Variants in DTNB observed in about 807,000 individuals in gnomAD.
The protein encoded by DTNB is DTN-B.
A neutral mutation model predicts 90.7 loss-of-function variants in DTNB; 63 were observed. That is an observed-to-expected ratio of 0.69 (90% CI 0.57 to 0.86). The LOEUF (loss-of-function observed/expected upper bound fraction) is 0.86. DTNB is among the 40% of genes least tolerant of loss of function. DTNB has a pLI of 0.00. For synonymous variants in DTNB, 277 were observed against 286.7 expected, an observed-to-expected ratio of 0.97 and a Z score of 0.34; for missense variants, 744 against 807.1, an observed-to-expected ratio of 0.92 and a Z score of 0.95.
chr2:25,482,762 C>T (rs766494883), intron 10 of DTNB, 34 bp downstream of exon 10: 2 of 1,610,064 alleles, frequency 1.2e-6, no homozygotes, highest in Non-Finnish European at 1.7e-6. Flanking sequence ...TAGCAGAGGC[C>T]AACACCCAAG....
intron 8 of DTNB, among the ~76,000 whole-genome samples, chr2:25,568,865 AC>A (rs1356019252): frequency 6.6e-6 from 1 of 152,192 alleles, no homozygotes; most frequent in Non-Finnish European, 1.5e-5. Flanking sequence ...GTGACTCTTC[AC>A]ATAAGGCAGA....
chr2:25,656,956 T>C (rs2082178562), intron 1 of DTNB, among the ~76,000 whole-genome samples: 2 of 152,104 alleles, frequency 1.3e-5, no homozygotes, highest in Non-Finnish European at 2.9e-5. Flanking sequence ...GGCAGATCAC[T>C]TGAGGTCAGG....
At chr2:25,480,324 C>A (rs142714383) in intron 10 of DTNB, among the ~76,000 whole-genome samples, 1 of 152,284 alleles carries the variant, frequency 6.6e-6, no homozygotes, top group Admixed American at 6.5e-5. Flanking sequence ...GCAAAGTTTA[C>A]GATAACCACC....
At chr2:25,447,007 C>T (rs2058524363) in intron 12 of DTNB, among the ~76,000 whole-genome samples, 1 of 152,142 alleles carries the variant, frequency 6.6e-6, no homozygotes, top group East Asian at 1.9e-4. Flanking sequence ...TGACATTTAA[C>T]CCATCCACCA....
At chr2:25,612,271 A>G (rs2068839825) in intron 4 of DTNB, among the ~76,000 whole-genome samples, 1 of 152,202 alleles carries the variant, frequency 6.6e-6, no homozygotes, top group Admixed American at 6.5e-5. Context: ...AGAACAAAAT[A>G]ATTGTTAGAA....
chr2:25,631,107 G>A (rs944835791), intron 3 of DTNB, among the ~76,000 whole-genome samples: 5 of 152,082 alleles, frequency 3.3e-5, no homozygotes, highest in African/African-American at 1.2e-4. Flanking sequence ...GGGTGATGAA[G>A]ATGTTCTAGA....
intron 12 of DTNB, among the ~76,000 whole-genome samples, chr2:25,444,630 A>G (rs2058106472): frequency 6.6e-6 from 1 of 152,038 alleles, no homozygotes; most frequent in South Asian, 2.1e-4. Flanking sequence ...TTCAAAGGTC[A>G]GCCCACAGAG....
intron 12 of DTNB, among the ~76,000 whole-genome samples, chr2:25,444,197 G>C (rs556680975): frequency 1.3e-5 from 2 of 151,972 alleles, no homozygotes; most frequent in Non-Finnish European, 2.9e-5. Flanking sequence ...TTGCTATTAC[G>C]ACTACAATTT....
chr2:25,667,890 C>T (rs1026135992), intron 1 of DTNB, among the ~76,000 whole-genome samples: 2 of 152,110 alleles, frequency 1.3e-5, no homozygotes, highest in Non-Finnish European at 2.9e-5. Flanking sequence ...AGTAGGTGAA[C>T]GAATAAACAA....
intron 16 of DTNB, among the ~76,000 whole-genome samples, chr2:25,390,177 G>T (rs1460490304): frequency 6.6e-6 from 1 of 152,110 alleles, no homozygotes; most frequent in Admixed American, 6.5e-5. Flanking sequence ...GAATGGTATT[G>T]TACTGCTCAT....
intron 9 of DTNB, among the ~76,000 whole-genome samples, chr2:25,491,996 G>A (rs185085597): frequency 1.3e-5 from 2 of 152,078 alleles, no homozygotes; most frequent in East Asian, 3.9e-4. Flanking sequence ...AGGCAGTGTG[G>A]CTCTGAGTGT....
At chr2:25,639,154 G>C in intron 2 of DTNB, 60 bp from the exon 3 acceptor site, 1 of 1,468,744 alleles carries the variant, frequency 6.8e-7, no homozygotes, top group Non-Finnish European at 9.2e-7. Flanking sequence ...CAAACGCTAG[G>C]AAATGACTCC....
rs116141547 is a variant in DTNB at position 25,623,709 on chromosome 2, A to G, written c.362+4462T>C. Among the ~76,000 whole-genome samples, 799 of 152,342 alleles carry G rather than the reference A, an allele frequency of 5.2e-3. 5 individuals are homozygous for G. Among genetic ancestry groups the G allele is most frequent in the African/African-American group, 0.018 (752 of 41,570 alleles). On this transcript the variant is annotated intron_variant, in intron 4 of 20. Transcript: ENST00000406818. The stretch of plus-strand genomic sequence containing the variant: ...AATTCTGCAATATAATGTTTGGTAT[A>G]TAATAAAAATAATTTTGCTATATAA...
chr2:25,394,662 T>C (rs2041967330), intron 16 of DTNB, among the ~76,000 whole-genome samples: 1 of 152,106 alleles, frequency 6.6e-6, no homozygotes, highest in Non-Finnish European at 1.5e-5. Context: ...ATCAGGGAAA[T>C]GCAAATCAAA....
chr2:25,545,049 A>G (rs2082129278), intron 8 of DTNB, among the ~76,000 whole-genome samples: 1 of 151,978 alleles, frequency 6.6e-6, no homozygotes, highest in Non-Finnish European at 1.5e-5. Flanking sequence ...CACCTTTCAC[A>G]CTTTCCATCT....
chr2:25,626,920 C>T (rs2074284720), intron 4 of DTNB, among the ~76,000 whole-genome samples: 1 of 152,210 alleles, frequency 6.6e-6, no homozygotes, highest in Admixed American at 6.5e-5. Flanking sequence ...CTCTGTACTT[C>T]CACAATCATA....
At chr2:25,414,663 T>C (rs1334862922) in intron 16 of DTNB, among the ~76,000 whole-genome samples, 7 of 152,210 alleles carry the variant, frequency 4.6e-5, no homozygotes, top group Admixed American at 4.6e-4. Context: ...TTATGTCCCT[T>C]ATAATTAATA....
At chr2:25,643,057 G>A (rs909737033) in intron 2 of DTNB, among the ~76,000 whole-genome samples, 22 of 152,138 alleles carry the variant, frequency 1.4e-4, no homozygotes, top group Non-Finnish European at 7.4e-5. Flanking sequence ...CCCGGCCCCA[G>A]TAGAGTTTTA....
At chr2:25,521,172 A>G (rs986924588) in intron 9 of DTNB, among the ~76,000 whole-genome samples, 1 of 152,174 alleles carries the variant, frequency 6.6e-6, no homozygotes, top group African/African-American at 2.4e-5. Context: ...TTCAGAAAAA[A>G]GAGTCTAAAG....
Sources: allele counts gnomAD v4.1 joint callset (sites outside exome capture counted in the v4.1 genomes callset), GRCh38; gene constraint gnomAD v4.1.1; transcripts MANE v1.5; gene names NCBI Gene and HGNC (gene_info 2026-07-23, HGNC 2026-07-21).